JMJD1C: variants seen among roughly 807,000 people sequenced by gnomAD.
JMJD1C encodes jumonji domain containing 1C, also known as jumonji domain-containing protein 1C.
In JMJD1C, 31 loss-of-function variants were observed where a neutral mutation model predicts 245.3. That is an observed-to-expected ratio of 0.13 (90% CI 0.09 to 0.17). The LOEUF (loss-of-function observed/expected upper bound fraction) is 0.17. Ranked by LOEUF, JMJD1C falls within the 10% of genes least tolerant of loss-of-function variation. The probability of loss-of-function intolerance (pLI) is 1.00; values close to 1 mark genes in which losing one functional copy is unlikely to be tolerated. For synonymous variants in JMJD1C, 1,057 were observed against 1,017.4 expected (o/e 1.04, Z -0.74); for missense variants, 2,691 against 3,000.2 (o/e 0.90, Z 2.41).
In JMJD1C at chr10:63,347,005, C is replaced by T. The variant is rs985013532; in HGVS notation, c.333+33313G>A. ...TTTTCACACCAAAAGTAAAGTTGGC[C>T]CCTCAGGGATGACATTTTTAATGAG... On this transcript the variant is annotated intron_variant, in intron 2 of 25. Transcript: ENST00000399262. Among the ~76,000 whole-genome samples, 16 of 152,028 alleles carry T rather than the reference C, an allele frequency of 1.1e-4. 1 individual carries two copies. Among genetic ancestry groups the T allele is most frequent in the Admixed American group, 9.2e-4 (14 of 15,242 alleles).
At chr10:63,234,493 T>TAAAAAAAAAAAAAAAAAAAAAAAAAA (rs71025129) in intron 3 of JMJD1C, among the ~76,000 whole-genome samples, 6 of 37,036 alleles carry the variant, frequency 1.6e-4, no homozygotes, top group Admixed American at 3.9e-4. Context: ...AACCTCCTCT[T>TAAAAAAAAAAAAAAAAAAAAAAAAAA]AAAAAAAAAA....
chr10:63,502,962 G>A (rs770757117), intron 1 of JMJD1C, among the ~76,000 whole-genome samples: 1 of 152,102 alleles, frequency 6.6e-6, no homozygotes, highest in Non-Finnish European at 1.5e-5. Context: ...CACCCAATAT[G>A]CCAAGTGCTT....
intron 2 of JMJD1C, among the ~76,000 whole-genome samples, chr10:63,298,335 A>G (rs1175568846): frequency 6.6e-6 from 1 of 152,212 alleles, no homozygotes; most frequent in East Asian, 1.9e-4. Flanking sequence ...GTGAAGTGAC[A>G]TCTGTGACAT....
intron 1 of JMJD1C, among the ~76,000 whole-genome samples, chr10:63,419,291 G>A (rs185059301): frequency 6.6e-6 from 1 of 152,112 alleles, no homozygotes; most frequent in East Asian, 1.9e-4. Context: ...AGAGTCTGAG[G>A]CAGGAGAATG....
intron 24 of JMJD1C, among the ~76,000 whole-genome samples, chr10:63,169,825 T>C (rs1842184977): frequency 6.6e-6 from 1 of 152,198 alleles, no homozygotes; most frequent in South Asian, 2.1e-4. Flanking sequence ...ACAGATGCTC[T>C]ATTTCACAGA....
intron 10 of JMJD1C, chr10:63,202,258 T>G: frequency 1.0e-6 from 1 of 973,082 alleles, no homozygotes. Context: ...TGTCTAAAAA[T>G]ATATATAAAT....
At chr10:63,265,162 G>A (rs770552127) in intron 2 of JMJD1C, among the ~76,000 whole-genome samples, 33 of 151,820 alleles carry the variant, frequency 2.2e-4, no homozygotes, top group Non-Finnish European at 3.8e-4. Flanking sequence ...AAAGAGAGTA[G>A]TTATTATTTC....
intron 2 of JMJD1C, among the ~76,000 whole-genome samples, chr10:63,356,424 G>C (rs1413219003): frequency 6.6e-6 from 1 of 152,156 alleles, no homozygotes. Context: ...GTTTACTCCA[G>C]ACCCTCACTG....
intron 1 of JMJD1C, among the ~76,000 whole-genome samples, chr10:63,502,923 G>GT (rs1414507706): frequency 1.3e-5 from 2 of 152,088 alleles, no homozygotes; most frequent in African/African-American, 4.8e-5. Context: ...AGAATAATGG[G>GT]TAACAATTAC....
intron 2 of JMJD1C, among the ~76,000 whole-genome samples, chr10:63,274,389 C>T (rs1439511500): frequency 6.6e-6 from 1 of 151,684 alleles, no homozygotes; most frequent in Admixed American, 6.6e-5. Flanking sequence ...CATGGTGAAA[C>T]CCTGTCTCTA....
intron 2 of JMJD1C, among the ~76,000 whole-genome samples, chr10:63,275,271 T>C (rs571326631): frequency 1.2e-4 from 19 of 152,302 alleles, no homozygotes; most frequent in Non-Finnish European, 2.5e-4. Flanking sequence ...CTGGTTGGCA[T>C]GGGTGGCAGA....
chr10:63,353,260 T>C (rs1944514843), intron 2 of JMJD1C, among the ~76,000 whole-genome samples: 1 of 152,072 alleles, frequency 6.6e-6, no homozygotes, highest in East Asian at 1.9e-4. Flanking sequence ...ACAGTATTTT[T>C]TTGTAAGAAC....
At position 63,197,807 on chromosome 10, in the gene JMJD1C, T is replaced by C. The variant is rs568745797; in HGVS notation, c.5492-244A>G. On this transcript the variant is annotated intron_variant, in intron 12 of 25. Transcript: ENST00000399262. ...CAGGGTTTCTCAACTCTGGTACTTT[T>C]GACATTTTAGGTTGAATAATTCTTT... Among the ~76,000 whole-genome samples, 156 of 152,358 alleles carry C rather than the reference T, an allele frequency of 1.0e-3. 1 individual carries two copies. The highest frequency in any genetic ancestry group is 3.6e-3 in the African/African-American group (151 of 41,588).
intron 2 of JMJD1C, among the ~76,000 whole-genome samples, chr10:63,265,971 T>C (rs1474989506): frequency 2.0e-5 from 3 of 152,024 alleles, no homozygotes. Context: ...TGGTTTGGAG[T>C]GGCTTTTAAG....
At chr10:63,295,221 A>G (rs1001708423) in intron 2 of JMJD1C, among the ~76,000 whole-genome samples, 77 of 151,244 alleles carry the variant, frequency 5.1e-4, no homozygotes, top group African/African-American at 1.9e-3. Context: ...AGCCTCCCTG[A>G]GTATCTCAGA....
chr10:63,301,666 G>T, intron 2 of JMJD1C: 1 of 403,810 alleles, frequency 2.5e-6, no homozygotes, highest in Non-Finnish European at 4.9e-6. Flanking sequence ...TCCGGGGCCT[G>T]ACAAGGGGAG....
intron 1 of JMJD1C, among the ~76,000 whole-genome samples, chr10:63,392,867 A>AACAC (rs34778084): frequency 0.14 from 15,200 of 111,988 alleles, 1,135 homozygotes; most frequent in Non-Finnish European, 0.14. Flanking sequence ...AAAGTACATA[A>AACAC]ACACACACAC....
chr10:63,234,516 A>C (rs1287004846), intron 3 of JMJD1C, among the ~76,000 whole-genome samples: 4 of 149,318 alleles, frequency 2.7e-5, no homozygotes, highest in Non-Finnish European at 5.9e-5. Context: ...AAAAAAAAAA[A>C]AAAAACACCA....
intron 3 of JMJD1C, chr10:63,222,298 G>T: frequency 7.8e-7 from 1 of 1,286,034 alleles, no homozygotes; most frequent in Non-Finnish European, 1.1e-6. Context: ...AAAAGTTTAT[G>T]ATTACAGGTG....
Sources: gnomAD v4.1 joint callset for allele counts (sites outside exome capture counted in the v4.1 genomes callset) on GRCh38, gnomAD v4.1.1 for gene constraint, MANE v1.5 for transcripts, NCBI Gene and HGNC (gene_info 2026-07-23, HGNC 2026-07-21) for gene names.